The following DACH2 variants were observed in gnomAD, a reference collection of about 807,000 sequenced individuals.
The protein encoded by DACH2 is dachshund homolog 2.
A neutral mutation model predicts 35.8 loss-of-function variants in DACH2; 17 were observed. That is an observed-to-expected ratio of 0.48 (90% CI 0.33 to 0.71). The LOEUF is 0.71. Among genes scored for constraint, DACH2 ranks in the 30% least tolerant of loss-of-function variants. DACH2 has a pLI of 0.02. For missense variants in DACH2, 469 were observed against 472.7 expected, an observed-to-expected ratio of 0.99 and a Z score of 0.07; for synonymous variants, 195 against 177.3, an observed-to-expected ratio of 1.10 and a Z score of -0.79.
chrX:86,197,653 C>A (rs1252730788), intron 1 of DACH2, among the ~76,000 whole-genome samples: 1 of 110,360 alleles, frequency 9.1e-6, no homozygotes, highest in Non-Finnish European at 1.9e-5. Flanking sequence ...GAAAAGAGAT[C>A]AAAAAAGACA....
intron 1 of DACH2, among the ~76,000 whole-genome samples, chrX:86,240,740 C>G (rs1045173558): frequency 3.4e-4 from 38 of 110,347 alleles, no homozygotes; most frequent in African/African-American, 1.3e-3. Context: ...GGGGAGGGAC[C>G]AAGTGGGAGG....
intron 1 of DACH2, among the ~76,000 whole-genome samples, chrX:86,241,375 G>A (rs1189028804): frequency 8.9e-6 from 1 of 111,887 alleles, no homozygotes; most frequent in Admixed American, 9.5e-5. Flanking sequence ...TTGGAACTTT[G>A]AACTTGAGAG....
intron 3 of DACH2, among the ~76,000 whole-genome samples, chrX:86,642,022 C>A (rs1261489625): frequency 2.7e-5 from 3 of 111,646 alleles, no homozygotes; most frequent in Non-Finnish European, 5.7e-5. Flanking sequence ...ACACACAGAC[C>A]AGTGTTACTG....
intron 2 of DACH2, among the ~76,000 whole-genome samples, chrX:86,384,468 T>A (rs1297756197): frequency 1.8e-5 from 2 of 111,925 alleles, no homozygotes; most frequent in Non-Finnish European, 3.8e-5. Context: ...TTATGGTTTG[T>A]AGTCCTTGAA....
At chrX:86,657,351 T>C (rs1035358389) in intron 4 of DACH2, among the ~76,000 whole-genome samples, 2 of 111,100 alleles carry the variant, frequency 1.8e-5, no homozygotes, top group Non-Finnish European at 3.8e-5. Context: ...AAATATCTCA[T>C]GTAATACATA....
At chrX:86,254,144 G>A (rs990633588) in intron 1 of DACH2, among the ~76,000 whole-genome samples, 1 of 111,393 alleles carries the variant, frequency 9.0e-6, no homozygotes, top group African/African-American at 3.3e-5. Context: ...TTTGCATGTG[G>A]CATTTACATT....
intron 4 of DACH2, among the ~76,000 whole-genome samples, chrX:86,675,530 A>C (rs67464166): frequency 0.17 from 19,181 of 109,884 alleles, 1,417 homozygotes; most frequent in East Asian, 0.48. Flanking sequence ...AGAAAAACAC[A>C]AAAGTTTGCT....
intron 7 of DACH2, among the ~76,000 whole-genome samples, chrX:86,754,300 AG>A (rs772572921): frequency 9.0e-6 from 1 of 111,150 alleles, no homozygotes; most frequent in African/African-American, 3.3e-5. Flanking sequence ...CAGACAGACA[AG>A]GTGACAGAAA....
At chrX:86,454,724 T>A (rs1329317399) in intron 2 of DACH2, among the ~76,000 whole-genome samples, 1 of 111,950 alleles carries the variant, frequency 8.9e-6, no homozygotes, top group Non-Finnish European at 1.9e-5. Flanking sequence ...ACATGCTCCT[T>A]TAGCGCGGTG....
chrX:86,329,911 T>C (rs1203020845), intron 1 of DACH2, among the ~76,000 whole-genome samples: 7 of 111,819 alleles, frequency 6.3e-5, no homozygotes, highest in Non-Finnish European at 1.1e-4. Context: ...TCAGGAACTC[T>C]CTTAGGATAG....
chrX:86,831,733 A>G (rs1032695837), intron 11 of DACH2: 1 of 122,714 alleles, frequency 8.1e-6, no homozygotes, highest in African/African-American at 3.2e-5. Flanking sequence ...CTTAGATCAT[A>G]ACCAGATACT....
At chrX:86,545,150 C>A (rs1187163285) in intron 3 of DACH2, among the ~76,000 whole-genome samples, 2 of 111,703 alleles carry the variant, frequency 1.8e-5, no homozygotes, top group East Asian at 5.6e-4. Flanking sequence ...ATAGAATCAA[C>A]CGAAAAGCCC....
chrX:86,541,738 G>T (rs1231456268), intron 3 of DACH2, among the ~76,000 whole-genome samples: 1 of 111,264 alleles, frequency 9.0e-6, no homozygotes, highest in Admixed American at 9.6e-5. Flanking sequence ...TATCTTATTT[G>T]ATCTTAACAA....
At chrX:86,492,418 AG>A (rs1272390843) in intron 2 of DACH2, among the ~76,000 whole-genome samples, 4 of 112,090 alleles carry the variant, frequency 3.6e-5, no homozygotes, top group Non-Finnish European at 1.9e-5. Context: ...AGATAGAACA[AG>A]TAAAAATACT....
intron 1 of DACH2, among the ~76,000 whole-genome samples, chrX:86,331,746 T>G (rs2035217082): frequency 9.0e-6 from 1 of 111,191 alleles, no homozygotes; most frequent in Non-Finnish European, 1.9e-5. Flanking sequence ...ACTATACAAG[T>G]GTCAACTCTT....
intron 4 of DACH2, among the ~76,000 whole-genome samples, chrX:86,658,292 G>C (rs752513822): frequency 1.1e-4 from 12 of 111,800 alleles, no homozygotes; most frequent in African/African-American, 3.9e-4. Context: ...GAGTTTTCCT[G>C]CTGGGAGTTC....
intron 1 of DACH2, among the ~76,000 whole-genome samples, chrX:86,293,479 G>C (rs1438867879): frequency 1.9e-5 from 2 of 106,588 alleles, no homozygotes; most frequent in South Asian, 4.5e-4. Context: ...ATGTTAGCTG[G>C]TTATTTTGCT....
At chrX:86,266,139 G>A (rs1039323289) in intron 1 of DACH2, among the ~76,000 whole-genome samples, 1 of 111,008 alleles carries the variant, frequency 9.0e-6, no homozygotes, top group African/African-American at 3.3e-5. Flanking sequence ...ATCCCCTCAA[G>A]GGTTTGTTAA....
intron 3 of DACH2, among the ~76,000 whole-genome samples, chrX:86,570,007 G>T (rs940379442): frequency 9.0e-6 from 1 of 111,654 alleles, no homozygotes; most frequent in African/African-American, 3.3e-5. Flanking sequence ...ATCATTGATC[G>T]TTAGAGAAAT....
Sources: allele counts gnomAD v4.1 joint callset (sites outside exome capture counted in the v4.1 genomes callset), GRCh38; gene constraint gnomAD v4.1.1; transcripts MANE v1.5; gene names NCBI Gene and HGNC (gene_info 2026-07-23, HGNC 2026-07-21).